The following LRRC8D variants were observed in gnomAD, a reference collection of about 807,000 sequenced individuals.
The protein encoded by LRRC8D is volume-regulated anion channel subunit LRRC8D.
LRRC8D carries 20 observed loss-of-function variants against 55.8 expected under a neutral mutation model. The observed-to-expected ratio is 0.36, with a 90% CI of 0.25 to 0.52. LRRC8D has a LOEUF of 0.52. LRRC8D is among the 20% of genes least tolerant of loss of function. The pLI is 0.93. For synonymous variants in LRRC8D, 352 were observed against 377.0 expected, an observed-to-expected ratio of 0.93 and a Z score of 0.77; for missense variants, 651 against 1,030.8, an observed-to-expected ratio of 0.63 and a Z score of 5.05.
intron 2 of LRRC8D, among the ~76,000 whole-genome samples, chr1:89,884,079 T>C (rs936265568): frequency 1.3e-5 from 2 of 152,220 alleles, no homozygotes; most frequent in Non-Finnish European, 2.9e-5. Flanking sequence ...CATGTTAACC[T>C]TTTTTTCCTT....
intron 1 of LRRC8D, among the ~76,000 whole-genome samples, chr1:89,837,108 G>T (rs1474595000): frequency 1.3e-5 from 2 of 152,210 alleles, no homozygotes; most frequent in East Asian, 3.8e-4. Context: ...TGGGTTCACT[G>T]CATTCCTTTC....
chr1:89,909,189 T>C (rs1248287427), intron 2 of LRRC8D, among the ~76,000 whole-genome samples: 4 of 152,162 alleles, frequency 2.6e-5, no homozygotes, highest in Non-Finnish European at 2.9e-5. Flanking sequence ...GATGACAGTA[T>C]CTGATTTAGA....
chr1:89,923,668 T>C (rs1663480089), intron 2 of LRRC8D, among the ~76,000 whole-genome samples: 1 of 152,212 alleles, frequency 6.6e-6, no homozygotes, highest in Non-Finnish European at 1.5e-5. Context: ...TATCACATTA[T>C]GTGACTTCAA....
intron 2 of LRRC8D, among the ~76,000 whole-genome samples, chr1:89,877,562 G>A (rs114895546): frequency 0.011 from 1,715 of 152,220 alleles, 36 homozygotes; most frequent in African/African-American, 0.039. Flanking sequence ...TTTAAGGAAA[G>A]TGGATTCTGA....
chr1:89,921,971 G>T (rs572040901), intron 2 of LRRC8D, among the ~76,000 whole-genome samples: 1 of 152,212 alleles, frequency 6.6e-6, no homozygotes, highest in South Asian at 2.1e-4. Context: ...ATTTACCCTG[G>T]CTAACAAATG....
intron 2 of LRRC8D, among the ~76,000 whole-genome samples, chr1:89,914,066 TA>T (rs548302358): frequency 3.3e-4 from 51 of 152,376 alleles, no homozygotes; most frequent in Middle Eastern, 3.4e-3. Context: ...AAAATAATTG[TA>T]ATATGTAACA....
rs1324892821 is a variant in LRRC8D, at chr1:89,841,398, C to CA, written c.-147-2240_-147-2239insA. Reference sequence around the variant, plus strand: ...GAGGCCTCAGTATTGTCAAGACCACCCCCCCCCTTTTTTTTGTGAGTGCAC... The same window carrying CA: ...GAGGCCTCAGTATTGTCAAGACCACCACCCCCCCTTTTTTTTGTGAGTGCAC... On this transcript the variant is annotated intron_variant, in intron 1 of 2. Transcript: ENST00000337338. Among the ~76,000 whole-genome samples, 11 of 150,184 alleles carry CA rather than the reference C, an allele frequency of 7.3e-5. No individual in the cohort carries two copies. The East Asian group carries it at 2.0e-3, about 27-fold the overall frequency.
At chr1:89,871,531 T>A (rs924517976) in intron 2 of LRRC8D, among the ~76,000 whole-genome samples, 4 of 152,224 alleles carry the variant, frequency 2.6e-5, no homozygotes, top group African/African-American at 9.6e-5. Context: ...AGTTTATGAT[T>A]CTTAAACTAT....
At chr1:89,831,316 G>A (rs976579288) in intron 1 of LRRC8D, among the ~76,000 whole-genome samples, 2 of 152,140 alleles carry the variant, frequency 1.3e-5, no homozygotes, top group Non-Finnish European at 2.9e-5. Flanking sequence ...CGCAAGCCCC[G>A]TACTTTAATG....
At chr1:89,883,221 C>CGT (rs149154219) in intron 2 of LRRC8D, among the ~76,000 whole-genome samples, 4,985 of 149,012 alleles carry the variant, frequency 0.033, 217 homozygotes, top group African/African-American at 0.1. Context: ...CGTGTGTAGG[C>CGT]GTGTGTGTGT....
At chr1:89,874,203 G>A (rs1662092792) in intron 2 of LRRC8D, among the ~76,000 whole-genome samples, 1 of 152,160 alleles carries the variant, frequency 6.6e-6, no homozygotes, top group African/African-American at 2.4e-5. Context: ...GAAAAACTAG[G>A]AGGAAGAGTT....
chr1:89,935,132 A>G lies in LRRC8D; in HGVS notation c.2064A>G (p.Leu688=). 1 of 1,614,244 alleles carries G rather than the reference A, an allele frequency of 6.2e-7. No homozygotes were observed. Among genetic ancestry groups the G allele is most frequent in the South Asian group, 1.1e-5 (1 of 91,082 alleles). Residue 688 remains leucine, a synonymous_variant, in exon 3 of 3, where the codon TTA becomes TTG. Transcript: ENST00000337338. The stretch of plus-strand genomic sequence containing the variant: ...AGCATTTAAAACGACTGACTTGTTT[A>G]AAATTATGGCATAACAAAATTGTTA... ...SFQHLKRLTC[L]KLWHNKIVTI...
chr1:89,862,286 C>T (rs898201150), intron 2 of LRRC8D, among the ~76,000 whole-genome samples: 1 of 152,104 alleles, frequency 6.6e-6, no homozygotes, highest in Admixed American at 6.5e-5. Context: ...TATTTTCTTA[C>T]ATCTAGTGTA....
chr1:89,834,608 A>T (rs746181744), intron 1 of LRRC8D, among the ~76,000 whole-genome samples: 13 of 152,260 alleles, frequency 8.5e-5, no homozygotes, highest in Middle Eastern at 3.2e-3. Flanking sequence ...TAAACAGTTT[A>T]GTATAATTCA....
intron 2 of LRRC8D, among the ~76,000 whole-genome samples, chr1:89,851,737 T>C (rs1661423018): frequency 6.6e-6 from 1 of 152,288 alleles, no homozygotes; most frequent in Admixed American, 6.5e-5. Flanking sequence ...CTCAAACTCC[T>C]GAGCTCAGGC....
At chr1:89,898,298 G>A (rs1400178574) in intron 2 of LRRC8D, among the ~76,000 whole-genome samples, 2 of 152,202 alleles carry the variant, frequency 1.3e-5, no homozygotes, top group African/African-American at 4.8e-5. Context: ...GAGGAATCGT[G>A]AAATATCTAC....
chr1:89,858,841 A>G (rs1266576763), intron 2 of LRRC8D, among the ~76,000 whole-genome samples: 1 of 152,184 alleles, frequency 6.6e-6, no homozygotes, highest in African/African-American at 2.4e-5. Flanking sequence ...TGTTAGAACA[A>G]GGAAATTTCA....
At chr1:89,884,138 A>G (rs369055927) in intron 2 of LRRC8D, among the ~76,000 whole-genome samples, 1 of 152,180 alleles carries the variant, frequency 6.6e-6, no homozygotes, top group Admixed American at 6.5e-5. Flanking sequence ...GCATCTAGTC[A>G]TGCTACAGCC....
intron 1 of LRRC8D, among the ~76,000 whole-genome samples, chr1:89,823,738 TA>T (rs1452469938): frequency 6.6e-6 from 1 of 152,150 alleles, no homozygotes; most frequent in Non-Finnish European, 1.5e-5. Flanking sequence ...ATTCTCGTAG[TA>T]ATCACAGAGA....
Sources: allele counts gnomAD v4.1 joint callset (sites outside exome capture counted in the v4.1 genomes callset), GRCh38; gene constraint gnomAD v4.1.1; transcripts MANE v1.5; gene names NCBI Gene and HGNC (gene_info 2026-07-23, HGNC 2026-07-21).